The following EPS15 variants were observed in gnomAD, a reference collection of about 807,000 sequenced individuals.
EPS15 encodes the protein epidermal growth factor receptor pathway substrate 15, also known as epidermal growth factor receptor substrate 15.
EPS15 carries 72 observed loss-of-function variants against 113.8 expected under a neutral mutation model. The ratio of observed to expected loss-of-function variants is 0.63; its 90% CI spans 0.52 to 0.77. The LOEUF is 0.77. Ranked by LOEUF, EPS15 falls within the 30% of genes least tolerant of loss-of-function variation. EPS15 has a pLI of 0.00. For missense variants in EPS15, 1,048 were observed against 1,045.8 expected (o/e 1.00, Z -0.03); for synonymous variants, 344 against 363.4 (o/e 0.95, Z 0.61).
chr1:51,446,746 T>C (rs928333911), intron 10 of EPS15, among the ~76,000 whole-genome samples: 6 of 152,150 alleles, frequency 3.9e-5, no homozygotes, highest in African/African-American at 1.4e-4. Context: ...TGAGCCACCA[T>C]GCCCAGCGGA....
chr1:51,410,177 C>T (rs12405643), intron 13 of EPS15, among the ~76,000 whole-genome samples: 8,760 of 151,394 alleles, frequency 0.058, 342 homozygotes, highest in Non-Finnish European at 0.086. Context: ...TGCAGCGAGC[C>T]GAGATCATGC....
intron 11 of EPS15, among the ~76,000 whole-genome samples, chr1:51,442,917 A>C (rs1652707604): frequency 6.6e-6 from 1 of 152,198 alleles, no homozygotes; most frequent in African/African-American, 2.4e-5. Context: ...AAACACAGAA[A>C]GGAAAGCAAC....
intron 1 of EPS15, among the ~76,000 whole-genome samples, chr1:51,502,869 G>T (rs1429164734): frequency 1.3e-5 from 2 of 151,970 alleles, no homozygotes. Context: ...GCTGGGCGTG[G>T]TGGGGGCTTG....
chr1:51,390,591 T>A (rs1274017330), intron 21 of EPS15, among the ~76,000 whole-genome samples: 7 of 151,280 alleles, frequency 4.6e-5, no homozygotes, highest in Admixed American at 1.3e-4. Context: ...ATATCCAGAA[T>A]CTACAATGAA....
intron 8 of EPS15, among the ~76,000 whole-genome samples, chr1:51,449,861 C>A (rs1464994218): frequency 6.6e-6 from 1 of 151,522 alleles, no homozygotes; most frequent in African/African-American, 2.4e-5. Flanking sequence ...CTGGGTGGGA[C>A]CACAGGAACA....
chr1:51,489,291 A>ATATATATATATATATATG (rs1644186584), intron 1 of EPS15, among the ~76,000 whole-genome samples: 2 of 148,414 alleles, frequency 1.3e-5, no homozygotes, highest in African/African-American at 5.0e-5. Context: ...TATACCATAT[A>ATATATATATATATATATG]TATATATATA....
intron 1 of EPS15, among the ~76,000 whole-genome samples, chr1:51,497,290 T>C (rs1346509428): frequency 6.6e-6 from 1 of 152,194 alleles, no homozygotes; most frequent in African/African-American, 2.4e-5. Flanking sequence ...TCTTTTGTCA[T>C]TCTCATCCAT....
chr1:51,510,819 CCT>C (rs1332949973), intron 1 of EPS15, among the ~76,000 whole-genome samples: 5 of 152,024 alleles, frequency 3.3e-5, no homozygotes, highest in Non-Finnish European at 5.9e-5. Flanking sequence ...AACTCTTTCC[CCT>C]GTCCTCACCC....
chr1:51,481,588 C>G (rs1157550057), intron 1 of EPS15, among the ~76,000 whole-genome samples: 1 of 151,958 alleles, frequency 6.6e-6, no homozygotes, highest in East Asian at 1.9e-4. Context: ...AATATTTTAC[C>G]CAGAAACCCA....
chr1:51,417,541 T>C (rs1650357861), intron 13 of EPS15, among the ~76,000 whole-genome samples: 2 of 152,178 alleles, frequency 1.3e-5, no homozygotes, highest in African/African-American at 4.8e-5. Context: ...AAGGAAGATA[T>C]TGGAAGCTAT....
At chr1:51,454,049 CAAAAAAAAAAA>C (rs376428827) in intron 8 of EPS15, among the ~76,000 whole-genome samples, 10 of 88,214 alleles carry the variant, frequency 1.1e-4, no homozygotes, top group Non-Finnish European at 1.8e-4. Flanking sequence ...GACTTTGTTT[CAAAAAAAAAAA>C]AAAAAAAAAA....
At chr1:51,451,490 C>CAAAAAAAAAAAAAAAAAAAAAAAAAAA (rs56091976) in intron 8 of EPS15, among the ~76,000 whole-genome samples, 3 of 50,782 alleles carry the variant, frequency 5.9e-5, no homozygotes, top group African/African-American at 1.6e-4. Context: ...GACTCCATCT[C>CAAAAAAAAAAAAAAAAAAAAAAAAAAA]AAAAAAAAAA....
intron 3 of EPS15, 34 bp from the exon 4 acceptor site, chr1:51,471,771 T>C (rs1170884962): frequency 6.6e-7 from 1 of 1,504,124 alleles, no homozygotes; most frequent in East Asian, 2.3e-5. Flanking sequence ...TCAATGTATA[T>C]TTTAAACAAA....
chr1:51,405,755 G>C, intron 16 of EPS15, 150 bp downstream of exon 16: 1 of 633,216 alleles, frequency 1.6e-6, no homozygotes, highest in Non-Finnish European at 2.7e-6. Context: ...ACGTACAATT[G>C]TTTGGATTAG....
intron 3 of EPS15, 118 bp from the exon 4 acceptor site, chr1:51,471,855 T>C (rs1422248982): frequency 5.0e-6 from 4 of 806,522 alleles, no homozygotes; most frequent in South Asian, 1.6e-5. Flanking sequence ...CTAAGAATCA[T>C]AGAATTAAGA....
intron 1 of EPS15, among the ~76,000 whole-genome samples, chr1:51,511,323 T>C (rs555685741): frequency 2.1e-4 from 31 of 151,078 alleles, no homozygotes; most frequent in African/African-American, 7.3e-4. Context: ...GTGAAATCCA[T>C]CTGTACTAAA....
chr1:51,434,466 T>C (rs1343494316), intron 12 of EPS15, among the ~76,000 whole-genome samples: 1 of 152,214 alleles, frequency 6.6e-6, no homozygotes, highest in Non-Finnish European at 1.5e-5. Context: ...TATCTCACGA[T>C]TCTGCTTATA....
intron 21 of EPS15, among the ~76,000 whole-genome samples, chr1:51,373,506 T>A (rs140656497): frequency 1.3e-5 from 2 of 152,346 alleles, no homozygotes; most frequent in African/African-American, 4.8e-5. Context: ...AGGAGTTGAA[T>A]TATCCCCATC....
At chr1:51,465,210 G>C (rs750824235) in intron 6 of EPS15, 51 bp downstream of exon 6, 2 of 1,096,234 alleles carry the variant, frequency 1.8e-6, no homozygotes, top group African/African-American at 3.1e-5. Context: ...TAGAGAGAGA[G>C]TAGATAGGAA....
Sources: gnomAD v4.1 joint callset for allele counts (sites outside exome capture counted in the v4.1 genomes callset) on GRCh38, gnomAD v4.1.1 for gene constraint, MANE v1.5 for transcripts, NCBI Gene and HGNC (gene_info 2026-07-23, HGNC 2026-07-21) for gene names.